Variants in EPHA6 observed in about 807,000 individuals in gnomAD.
The protein encoded by EPHA6 is EPH receptor A6.
EPHA6 carries 50 observed loss-of-function variants against 112.0 expected under a neutral mutation model. The observed-to-expected ratio is 0.45, with a 90% CI of 0.36 to 0.56. The LOEUF (loss-of-function observed/expected upper bound fraction) is 0.56. EPHA6 is among the 20% of genes least tolerant of loss of function. The probability of loss-of-function intolerance (pLI) is 0.00; values close to 1 mark genes in which losing one functional copy is unlikely to be tolerated. For missense variants in EPHA6, 1,280 were observed against 1,417.4 expected, an observed-to-expected ratio of 0.90 and a Z score of 1.56; for synonymous variants, 529 against 490.7, an observed-to-expected ratio of 1.08 and a Z score of -1.03.
At chr3:97,053,845 A>T (rs2045765065) in intron 3 of EPHA6, among the ~76,000 whole-genome samples, 1 of 152,028 alleles carries the variant, frequency 6.6e-6, no homozygotes, top group African/African-American at 2.4e-5. Context: ...AGAGTACCTC[A>T]TTTTCATGTG....
intron 2 of EPHA6, among the ~76,000 whole-genome samples, chr3:96,938,109 A>G (rs1482597797): frequency 2.0e-5 from 3 of 151,344 alleles, no homozygotes; most frequent in East Asian, 1.9e-4. Flanking sequence ...TTGGTTCCAT[A>G]TGAACTTTAA....
At chr3:97,545,746 C>A (rs2107690641) in intron 11 of EPHA6, among the ~76,000 whole-genome samples, 1 of 152,300 alleles carries the variant, frequency 6.6e-6, no homozygotes, top group East Asian at 1.9e-4. Context: ...AATCTGGGTG[C>A]TCCTGTATTG....
At chr3:97,035,408 A>T (rs2045052078) in intron 3 of EPHA6, among the ~76,000 whole-genome samples, 1 of 151,946 alleles carries the variant, frequency 6.6e-6, no homozygotes, top group Admixed American at 6.6e-5. Flanking sequence ...TTTAATAGAC[A>T]CTAGGACTTT....
chr3:97,133,222 G>GT, intron 3 of EPHA6, among the ~76,000 whole-genome samples: 1 of 152,112 alleles, frequency 6.6e-6, no homozygotes, highest in Non-Finnish European at 1.5e-5. Context: ...GGAAAGTGAT[G>GT]TATGTTTGGC....
At chr3:97,192,042 T>C (rs1044322961) in intron 3 of EPHA6, among the ~76,000 whole-genome samples, 3 of 152,188 alleles carry the variant, frequency 2.0e-5, no homozygotes, top group Non-Finnish European at 4.4e-5. Flanking sequence ...GGTGAGATGA[T>C]ATCTTATTGT....
Position 96,886,257 on chromosome 3 carries a change from G to A in EPHA6, c.450+19368G>A, listed in dbSNP as rs150287914. 8.3e-4 allele frequency among the ~76,000 whole-genome samples: 126 copies of A among 152,260 alleles called. 1 individual carries two copies. Among genetic ancestry groups the A allele is most frequent in the African/African-American group, 2.9e-3 (120 of 41,544 alleles). On this transcript the variant is annotated intron_variant, in intron 2 of 17. Transcript: ENST00000389672. ...ACTTTCTGTTTTGATGACCTGTCTA[G>A]CACTGTCAGTGGAGTATTGAAGTCT...
At chr3:97,123,014 T>C (rs1479630315) in intron 3 of EPHA6, among the ~76,000 whole-genome samples, 2 of 152,048 alleles carry the variant, frequency 1.3e-5, no homozygotes, top group African/African-American at 2.4e-5. Context: ...CAGAATATTA[T>C]TTTATCTGAT....
At chr3:97,538,159 G>C (rs1447806079) in intron 11 of EPHA6, among the ~76,000 whole-genome samples, 2 of 152,122 alleles carry the variant, frequency 1.3e-5, no homozygotes, top group African/African-American at 4.8e-5. Flanking sequence ...ACTAGGGGCA[G>C]ACAAAATATA....
At chr3:97,631,145 A>T (rs1415094310) in intron 13 of EPHA6, among the ~76,000 whole-genome samples, 1 of 152,020 alleles carries the variant, frequency 6.6e-6, no homozygotes, top group Admixed American at 6.6e-5. Flanking sequence ...CAGAGAGCAA[A>T]ACAAAAGTAA....
chr3:97,535,617 A>G (rs1450691498), intron 11 of EPHA6, among the ~76,000 whole-genome samples: 3 of 152,124 alleles, frequency 2.0e-5, no homozygotes, highest in Admixed American at 2.0e-4. Context: ...TTATTCCAAG[A>G]TTACCCTTAA....
chr3:97,610,051 T>C (rs1439967156), intron 12 of EPHA6, among the ~76,000 whole-genome samples: 1 of 151,548 alleles, frequency 6.6e-6, no homozygotes, highest in East Asian at 1.9e-4. Flanking sequence ...ACTATAACAG[T>C]GTACCAATTG....
intron 2 of EPHA6, among the ~76,000 whole-genome samples, chr3:96,979,437 A>G (rs982572604): frequency 6.6e-6 from 1 of 151,864 alleles, no homozygotes; most frequent in African/African-American, 2.4e-5. Context: ...CATTTTCTTA[A>G]TCCAGTCTAT....
rs528852309 is a variant in EPHA6 at position 96,892,197 on chromosome 3, G to T, written c.450+25308G>T. Among the ~76,000 whole-genome samples the T allele has an allele frequency of 1.5e-4, 23 of 152,186 alleles. No individual in the cohort carries two copies. In the South Asian group the frequency reaches 2.3e-3, roughly 15 times the overall value. ...ACACACCTCTCTGTGCTTGGGCCCA[G>T]TTATGAAACATTATTTGGTTTTTTG... On this transcript the variant is annotated intron_variant, in intron 2 of 17. Coordinates refer to ENST00000389672, the MANE Select transcript of EPHA6 (RefSeq NM_001080448.3).
At chr3:96,883,642 G>A (rs1214122790) in intron 2 of EPHA6, among the ~76,000 whole-genome samples, 1 of 152,048 alleles carries the variant, frequency 6.6e-6, no homozygotes, top group Admixed American at 6.6e-5. Context: ...TGGCTAGCCA[G>A]TTATCTCAAC....
chr3:97,345,242 G>T (rs993840044), intron 5 of EPHA6, among the ~76,000 whole-genome samples: 1 of 152,124 alleles, frequency 6.6e-6, no homozygotes, highest in Non-Finnish European at 1.5e-5. Flanking sequence ...CTGCTTAGAG[G>T]ATGTTTTGAT....
chr3:96,978,010 A>G (rs949854800), intron 2 of EPHA6, among the ~76,000 whole-genome samples: 3 of 152,034 alleles, frequency 2.0e-5, no homozygotes, highest in Non-Finnish European at 4.4e-5. Flanking sequence ...AATACAAAAA[A>G]TTAGCTGGGC....
At chr3:97,485,203 G>A (rs900626208) in intron 10 of EPHA6, among the ~76,000 whole-genome samples, 2 of 152,220 alleles carry the variant, frequency 1.3e-5, no homozygotes, top group Non-Finnish European at 2.9e-5. Flanking sequence ...AAAGAAAGCA[G>A]CTGATGATCC....
At chr3:96,822,093 T>C (rs1156633391) in intron 1 of EPHA6, among the ~76,000 whole-genome samples, 2 of 151,960 alleles carry the variant, frequency 1.3e-5, no homozygotes, top group African/African-American at 2.4e-5. Flanking sequence ...ATGTTAGTTG[T>C]ATGGATTGGC....
intron 3 of EPHA6, among the ~76,000 whole-genome samples, chr3:97,138,860 G>T (rs1036256393): frequency 4.6e-5 from 7 of 152,172 alleles, no homozygotes; most frequent in Non-Finnish European, 1.0e-4. Context: ...TCAAAAGGTG[G>T]ACTGCTTGGG....
Sources: gnomAD v4.1 joint callset for allele counts (sites outside exome capture counted in the v4.1 genomes callset) on GRCh38, gnomAD v4.1.1 for gene constraint, MANE v1.5 for transcripts, NCBI Gene and HGNC (gene_info 2026-07-23, HGNC 2026-07-21) for gene names.